PPP4R2: variants seen among roughly 807,000 people sequenced by gnomAD.
PPP4R2 encodes serine/threonine-protein phosphatase 4 regulatory subunit 2.
Under a neutral mutation model 47.2 loss-of-function variants are expected in PPP4R2, and 13 were observed. That is an observed-to-expected ratio of 0.28 (90% CI 0.18 to 0.44). The LOEUF is 0.44. Among genes scored for constraint, PPP4R2 ranks in the 20% least tolerant of loss-of-function variants. The pLI, the probability that PPP4R2 is intolerant of heterozygous loss-of-function variation, is 1.00. For missense variants in PPP4R2, 421 were observed against 491.2 expected, an observed-to-expected ratio of 0.86 and a Z score of 1.35; for synonymous variants, 151 against 163.3, an observed-to-expected ratio of 0.92 and a Z score of 0.57.
chr3:72,997,227 G>T (rs1232592699), intron 1 of PPP4R2, 156 bp downstream of exon 1: 3 of 488,644 alleles, frequency 6.1e-6, no homozygotes, highest in South Asian at 9.7e-5. Context: ...GGGGCGGGGA[G>T]CCCTGTGGGC....
chr3:72,997,054 TC>T lies in PPP4R2; in HGVS notation c.19del (p.Gln7ArgfsTer4). ...CGGGAAGCCATGGACGTCGAGAGGC[TC>T]CAGGAGGCGCTGAAAGGTGGGGGTA... MDVER[L>X]QEALKDFEKR... On this transcript the variant is annotated frameshift_variant, in exon 1 of 9. Transcript: ENST00000356692. LOFTEE classifies it high-confidence loss of function. The T allele has an allele frequency of 7.1e-7, 1 of 1,407,462 alleles. No homozygotes were observed. 87.2% of individuals were successfully genotyped at this position (1,407,462 alleles called of 1,614,324 possible).
At chr3:72,997,325 C>G in intron 1 of PPP4R2, 1 of 386,674 alleles carries the variant, frequency 2.6e-6, no homozygotes, top group East Asian at 3.8e-5. Context: ...GCGGGGGCCC[C>G]AGTCTTTCTC....
intron 2 of PPP4R2, among the ~76,000 whole-genome samples, chr3:73,032,967 T>G (rs1321720333): frequency 6.6e-6 from 1 of 152,230 alleles, no homozygotes. Flanking sequence ...GACTGGTTGC[T>G]CTCTAGACCT....
intron 2 of PPP4R2, among the ~76,000 whole-genome samples, chr3:73,002,711 G>A (rs1218997923): frequency 4.9e-5 from 7 of 141,696 alleles, no homozygotes; most frequent in East Asian, 2.1e-4. Context: ...GCGCGATCTC[G>A]GCTCGCTACA....
intron 2 of PPP4R2, among the ~76,000 whole-genome samples, chr3:73,006,893 A>G (rs1382551104): frequency 6.6e-6 from 1 of 152,122 alleles, no homozygotes; most frequent in East Asian, 1.9e-4. Context: ...TCTGTCACAG[A>G]TCCCAGTAAT....
intron 2 of PPP4R2, among the ~76,000 whole-genome samples, chr3:73,020,437 G>A (rs549884134): frequency 9.2e-5 from 14 of 152,166 alleles, no homozygotes; most frequent in Admixed American, 7.2e-4. Context: ...AGAGTCAGGC[G>A]GATCGCTTGA....
intron 2 of PPP4R2, among the ~76,000 whole-genome samples, chr3:73,038,417 C>G (rs970422602): frequency 2.6e-5 from 4 of 151,472 alleles, no homozygotes; most frequent in Non-Finnish European, 5.9e-5. Flanking sequence ...ACTCTGTCAC[C>G]CAGTGGAGTG....
chr3:73,011,203 G>C (rs1344541429), intron 2 of PPP4R2, among the ~76,000 whole-genome samples: 6 of 152,206 alleles, frequency 3.9e-5, no homozygotes, highest in Admixed American at 2.6e-4. Flanking sequence ...TTTCAGGCCA[G>C]GTGCGGTGGC....
chr3:73,039,055 A>G (rs1258300218), intron 2 of PPP4R2, among the ~76,000 whole-genome samples: 1 of 152,256 alleles, frequency 6.6e-6, no homozygotes, highest in African/African-American at 2.4e-5. Flanking sequence ...GAAAATATGT[A>G]ACACTTCAAG....
intron 2 of PPP4R2, among the ~76,000 whole-genome samples, chr3:73,007,347 G>A (rs9310255): frequency 6.6e-6 from 1 of 151,950 alleles, no homozygotes; most frequent in Non-Finnish European, 1.5e-5. Flanking sequence ...AATAAAAGGT[G>A]GTTTAAAAGT....
chr3:73,004,846 T>G (rs186304007), intron 2 of PPP4R2, among the ~76,000 whole-genome samples: 2,452 of 88,624 alleles, frequency 0.028, 28 homozygotes, highest in African/African-American at 0.068. Flanking sequence ...CAGTGTGGGG[T>G]GTGTGTGTGT....
intron 2 of PPP4R2, among the ~76,000 whole-genome samples, chr3:73,010,231 T>C (rs1701695322): frequency 6.7e-6 from 1 of 150,270 alleles, no homozygotes; most frequent in South Asian, 2.1e-4. Flanking sequence ...TTTTTTGTTT[T>C]GTTTTTTTTG....
intron 2 of PPP4R2, among the ~76,000 whole-genome samples, chr3:73,038,206 C>T (rs932169661): frequency 6.6e-6 from 1 of 152,086 alleles, no homozygotes; most frequent in Non-Finnish European, 1.5e-5. Context: ...AAGGTAGATC[C>T]ACTTCAGCCA....
At chr3:73,047,157 TTA>T (rs1242596428) in intron 2 of PPP4R2, 27 bp from the exon 3 acceptor site, 5 of 1,272,738 alleles carry the variant, frequency 3.9e-6, no homozygotes, top group Non-Finnish European at 5.5e-6. Context: ...CTACATGGTA[TTA>T]TATATTTTTT....
intron 6 of PPP4R2, 94 bp from the exon 7 acceptor site, chr3:73,063,909 A>G (rs933599743): frequency 4.0e-6 from 5 of 1,265,412 alleles, no homozygotes; most frequent in Non-Finnish European, 3.3e-6. Flanking sequence ...ACAAAGTTGC[A>G]GCAAATACTT....
At chr3:73,015,778 C>A (rs1158133091) in intron 2 of PPP4R2, 1 of 442,608 alleles carries the variant, frequency 2.3e-6, no homozygotes, top group Non-Finnish European at 4.5e-6. Context: ...GCTGGGACTA[C>A]AGGCTCCCGC....
rs766883979 is a variant in PPP4R2 at position 73,065,483 on chromosome 3, A to T, written c.1015A>T (p.Thr339Ser). The T allele has an allele frequency of 1.9e-5, 30 of 1,611,832 alleles. No homozygotes were observed. In the African/African-American group the frequency reaches 3.9e-4, roughly 21 times the overall value. The change falls in exon 9 of 9, where the codon ACT becomes TCT. Residue 339 changes from threonine (T) to serine (S), a missense_variant. Thr to Ser is a moderately conservative substitution (Grantham distance 58). Transcript: ENST00000356692. ...SDDALTVNEE[T>S]SEENNQMEES... ...TGATGCCTTAACTGTGAATGAAGAG[A>T]CTTCTGAGGAAAATAATCAAATGGA...
At chr3:73,015,812 G>T (rs1701818373) in intron 2 of PPP4R2, 1 of 445,332 alleles carries the variant, frequency 2.2e-6, no homozygotes, top group Non-Finnish European at 4.5e-6. Context: ...TAATTTTTTT[G>T]TGTGTTTAGT....
At chr3:73,045,357 A>G (rs1315136045) in intron 2 of PPP4R2, among the ~76,000 whole-genome samples, 1 of 152,040 alleles carries the variant, frequency 6.6e-6, no homozygotes. Context: ...TTGGGACTAT[A>G]TCAGGAAGCT....
Sources: gnomAD v4.1 joint callset for allele counts (sites outside exome capture counted in the v4.1 genomes callset) on GRCh38, gnomAD v4.1.1 for gene constraint, MANE v1.5 for transcripts, NCBI Gene and HGNC (gene_info 2026-07-23, HGNC 2026-07-21) for gene names.